SLC25A45: variants seen among roughly 807,000 people sequenced by gnomAD.
SLC25A45 encodes solute carrier family 25 member 45, also known as methylated amino-acid transporter SLC25A45.
SLC25A45 carries 22 observed loss-of-function variants against 23.0 expected under a neutral mutation model. That is an observed-to-expected ratio of 0.95 (90% confidence interval 0.68 to 1.36). The LOEUF (loss-of-function observed/expected upper bound fraction) is 1.36. Among genes scored for constraint, SLC25A45 ranks in the 40% most tolerant of loss-of-function variants. The probability of loss-of-function intolerance (pLI) is 0.00; values close to 1 mark genes in which losing one functional copy is unlikely to be tolerated. For synonymous variants in SLC25A45, 136 were observed against 155.0 expected, an observed-to-expected ratio of 0.88 and a Z score of 0.91; for missense variants, 355 against 383.5, an observed-to-expected ratio of 0.93 and a Z score of 0.62.
intron 5 of SLC25A45, chr11:65,377,454 T>G (rs1855277272): frequency 3.9e-6 from 4 of 1,030,070 alleles, no homozygotes; most frequent in East Asian, 1.7e-4. Flanking sequence ...AGTGAAGGAT[T>G]CAGCCTGTGA....
chr11:65,380,330 C>CA, intron 2 of SLC25A45, 155 bp from the exon 3 acceptor site: 3 of 1,136,064 alleles, frequency 2.6e-6, no homozygotes, highest in South Asian at 2.9e-5. Context: ...CTAGAGACTC[C>CA]AGCTGCCCCT....
rs1225660572 is a variant in SLC25A45 at position 65,380,130 on chromosome 11, A to C, written c.81+2T>G. 16 of 1,613,648 alleles carry C rather than the reference A, an allele frequency of 9.9e-6. No homozygotes were observed. Among genetic ancestry groups the C allele is most frequent in the Non-Finnish European group, 1.4e-5 (16 of 1,179,788 alleles). ...TTCCTCTGGCAGCTCTCCTAAACTC[A>C]CCTTTACAGTGTCAAACGGGTGTCC... On this transcript the variant is annotated splice_donor_variant, in intron 3 of 6. Coordinates refer to ENST00000398802, the MANE Select transcript of SLC25A45 (RefSeq NM_182556.4). LOFTEE classifies it high-confidence loss of function.
Position 65,379,554 on chromosome 11 carries a change from C to T in SLC25A45, c.161G>A (p.Gly54Asp). The T allele has an allele frequency of 6.2e-7, 1 of 1,607,118 alleles. No homozygotes were observed. The highest frequency in any genetic ancestry group is 8.5e-7 in the Non-Finnish European group (1 of 1,174,868). Residue 54 changes from glycine to aspartate, a missense_variant, in exon 5 of 7, where the codon GGC (glycine) becomes GAC (aspartate). Physicochemically the swap from Gly to Asp is moderately conservative, Grantham distance 94. Transcript: ENST00000398802. ...GGGGAAGCTCATTCCCTTGAAGAAG[C>T]CCAGGAGCTGCAGAGAGACACAGTG... Reference protein sequence around the residue: ...VKIYRHESLLGFFKGMSFPIA... With the variant: ...VKIYRHESLLDFFKGMSFPIA...
In SLC25A45 at chr11:65,379,556, C is replaced by G. The variant is rs1254029272; in HGVS notation, c.159G>C (p.Leu53=). 1.2e-6 allele frequency: 2 copies of G among 1,605,640 alleles called. No individual in the cohort carries two copies. Among genetic ancestry groups the G allele is most frequent in the African/African-American group, 2.7e-5 (2 of 74,764 alleles). ...MVKIYRHESL[L]GFFKGMSFPI... is the part of the protein sequence containing the mutation. Reference sequence around the variant, plus strand: ...GGAAGCTCATTCCCTTGAAGAAGCCCAGGAGCTGCAGAGAGACACAGTGGC... The same window carrying G: ...GGAAGCTCATTCCCTTGAAGAAGCCGAGGAGCTGCAGAGAGACACAGTGGC... Residue 53 remains leucine, a synonymous_variant, in exon 5 of 7, where the codon CTG becomes CTC. Transcript: ENST00000398802.
Position 65,379,325 on chromosome 11 carries a change from G to A in SLC25A45, c.339+51C>T, listed in dbSNP as rs776892001. 3.8e-6 allele frequency: 6 copies of A among 1,590,626 alleles called. No individual in the cohort carries two copies. In the East Asian group the frequency reaches 6.7e-5, roughly 18 times the overall value. ...AGGGCAGGGTGGGAGAGGACAGATC[G>A]AGATGACCATCCCTATGACACCTGT... On this transcript the variant is annotated intron_variant, in intron 5 of 6. Coordinates refer to ENST00000398802, the MANE Select transcript of SLC25A45 (RefSeq NM_182556.4).
rs1339459786 is a variant in SLC25A45 at position 65,379,874 on chromosome 11, T to C, written c.146A>G (p.His49Arg). 5 of 1,614,068 alleles carry C rather than the reference T, an allele frequency of 3.1e-6. No individual in the cohort carries two copies. Among genetic ancestry groups the C allele is most frequent in the Non-Finnish European group, 4.2e-6 (5 of 1,180,024 alleles). Residue 49 changes from histidine to arginine, a missense_variant, in exon 4 of 7, where the codon CAT becomes CGT. Transcript: ENST00000398802. ...AAGGAGTGGGCCACTCACGGACTCA[T>C]GGCGGTAAATCTTGACCATGCAATC... The part of the protein sequence containing the change: ...IVDCMVKIYR[H>R]ESLLGFFKGM...
At chr11:65,381,886 A>T (rs1255013282) in intron 2 of SLC25A45, 29 bp downstream of exon 2, 1 of 1,613,880 alleles carries the variant, frequency 6.2e-7, no homozygotes, top group Admixed American at 1.7e-5. Flanking sequence ...ATTGGGTGTG[A>T]TGTGACAGAA....
chr11:65,376,400 G>A lies in SLC25A45; in HGVS notation c.*7C>T, dbSNP rs764963283. The A allele has an allele frequency of 8.1e-6, 13 of 1,610,942 alleles. No individual in the cohort carries two copies. Among genetic ancestry groups the A allele is most frequent in the South Asian group, 5.5e-5 (5 of 91,052 alleles). ...CTGATGGGGAGCTGCTGGCATTGCC[G>A]CAGGGCTCATCCCCACCAGCGGAGG... On this transcript the variant is annotated 3_prime_UTR_variant, in exon 7 of 7. Transcript: ENST00000398802.
chr11:65,381,009 G>A (rs1215681505), intron 2 of SLC25A45: 2 of 156,566 alleles, frequency 1.3e-5, no homozygotes, highest in African/African-American at 4.8e-5. Context: ...CTCTGCAGGT[G>A]TCAGGCAGAG....
chr11:65,375,373 G>T lies in SLC25A45; in HGVS notation c.*1034C>A, dbSNP rs1855098184. On this transcript the variant is annotated 3_prime_UTR_variant, in exon 7 of 7. Transcript: ENST00000398802. Reference sequence around the variant, plus strand: ...TGATCAAGGCATGTGTGTGGGTAGGGTGTCTGGGAACCCCAAAGTCAGCCT... The same window carrying T: ...TGATCAAGGCATGTGTGTGGGTAGGTTGTCTGGGAACCCCAAAGTCAGCCT... 1 of 152,442 alleles carries T rather than the reference G, an allele frequency of 6.6e-6. No individual in the cohort carries two copies. The allele number at this position is 152,442 out of a possible 1,614,324, so 9.4% of individuals were successfully genotyped here. A position where few individuals can be genotyped will look rare whatever the true frequency, so the allele number is the denominator to read the frequency against.
chr11:65,383,433 T>C (rs1855664585), upstream of SLC25A45: 1 of 152,380 alleles, frequency 6.6e-6, no homozygotes, highest in African/African-American at 2.4e-5. Context: ...TGGTTCTGCT[T>C]CTTATTCCTG....
intron 6 of SLC25A45, 41 bp from the exon 7 acceptor site, chr11:65,376,716 C>G: frequency 6.2e-7 from 1 of 1,613,812 alleles, no homozygotes. Context: ...AGACCCAGAA[C>G]AGAGCATCCT....
chr11:65,380,491 C>G (rs1855492509), intron 2 of SLC25A45: 1 of 1,369,480 alleles, frequency 7.3e-7, no homozygotes, highest in South Asian at 1.3e-5. Flanking sequence ...TATCCCACCG[C>G]CTATGAGCCG....
chr11:65,376,993 T>TG lies in SLC25A45; in HGVS notation c.422dup (p.Pro142ThrfsTer45), dbSNP rs780617052. On this transcript the variant is annotated frameshift_variant, in exon 6 of 7. Coordinates refer to ENST00000398802, the MANE Select transcript of SLC25A45 (RefSeq NM_182556.4). LOFTEE classifies it high-confidence loss of function. ...AGTGCACGGGCCCCTGGTACCGGGG[T>TG]GGGGGGCTCCCTGGCTGGGCCCTTG... 131 of 1,613,216 alleles carry TG rather than the reference T, an allele frequency of 8.1e-5. No individual in the cohort carries two copies. Among genetic ancestry groups the TG allele is most frequent in the Non-Finnish European group, 1.0e-4 (119 of 1,179,700 alleles).
At chr11:65,377,194 C>G in intron 5 of SLC25A45, 118 bp from the exon 6 acceptor site, 1 of 1,455,882 alleles carries the variant, frequency 6.9e-7, no homozygotes, top group Non-Finnish European at 9.0e-7. Context: ...CTCAGGAACC[C>G]TGCCGGCACC....
intron 4 of SLC25A45, 75 bp downstream of exon 4, chr11:65,379,792 G>A: frequency 6.4e-7 from 1 of 1,568,890 alleles, no homozygotes. Context: ...AACCCTGCTG[G>A]AGAGGGAAGC....
Position 65,379,901 on chromosome 11 carries a change from A to G in SLC25A45, c.119T>C (p.Val40Ala), listed in dbSNP as rs1855454896. 1.1e-5 allele frequency: 17 copies of G among 1,614,216 alleles called. No individual in the cohort carries two copies. Among genetic ancestry groups the G allele is most frequent in the Non-Finnish European group, 1.4e-5 (17 of 1,180,018 alleles). ...LQTQTTYRGI[V>A]DCMVKIYRHE... ...GCGGTAAATCTTGACCATGCAATCA[A>G]CGATGCCCCGGTAGGTGGTCTGGGT... is the stretch of plus-strand genomic sequence containing the variant. The change falls in exon 4 of 7, where the codon GTT (valine) becomes GCT (alanine). Residue 40 changes from valine to alanine, a missense_variant. Coordinates refer to ENST00000398802, the MANE Select transcript of SLC25A45 (RefSeq NM_182556.4).
rs780506077 is a variant in SLC25A45, at chr11:65,377,004, C to G, written c.412G>C (p.Gly138Arg). ...CCCTGGTACCGGGGTGGGGGGCTCC[C>G]TGGCTGGGCCCTTGGCTCTGTCTGG... ...QNQTEPRAQP[G>R]SPPPRYQGPV... The change falls in exon 6 of 7, where the codon GGG becomes CGG. Residue 138 changes from glycine (G) to arginine (R), a missense_variant. By Grantham distance (125) the Gly-to-Arg change is moderately radical. Coordinates refer to ENST00000398802, the MANE Select transcript of SLC25A45 (RefSeq NM_182556.4). The G allele has an allele frequency of 2.5e-6, 4 of 1,613,720 alleles. No individual in the cohort carries two copies. The highest frequency in any genetic ancestry group is 3.4e-6 in the Non-Finnish European group (4 of 1,179,824).
intron 2 of SLC25A45, chr11:65,381,067 CTT>C (rs1749261330): frequency 6.5e-6 from 1 of 154,642 alleles, no homozygotes; most frequent in Non-Finnish European, 1.4e-5. Flanking sequence ...GCCTTCCTCT[CTT>C]CTTCCCATCG....
Sources: gnomAD v4.1 joint callset for allele counts on GRCh38, gnomAD v4.1.1 for gene constraint, MANE v1.5 for transcripts, NCBI Gene and HGNC (gene_info 2026-07-23, HGNC 2026-07-21) for gene names.